Variants in MBOAT1 observed in about 807,000 individuals in gnomAD.
MBOAT1 encodes membrane bound glycerophospholipid O-acyltransferase 1.
In MBOAT1, 67 loss-of-function variants were observed where a neutral mutation model predicts 64.4. The ratio of observed to expected loss-of-function variants is 1.04; its 90% CI spans 0.85 to 1.27. The LOEUF (loss-of-function observed/expected upper bound fraction) is 1.27. Ranked by LOEUF, MBOAT1 falls within the 50% of genes most tolerant of loss-of-function variation. The pLI is 0.00. For synonymous variants in MBOAT1, 229 were observed against 218.9 expected (o/e 1.05, Z -0.41); for missense variants, 563 against 604.6 (o/e 0.93, Z 0.72).
chr6:20,195,144 G>A (rs1762920312), intron 1 of MBOAT1, among the ~76,000 whole-genome samples: 1 of 151,930 alleles, frequency 6.6e-6, no homozygotes, highest in Non-Finnish European at 1.5e-5. Context: ...GTAGAGATGG[G>A]GTTTTGCCAT....
intron 1 of MBOAT1, among the ~76,000 whole-genome samples, chr6:20,208,688 T>G (rs1276715952): frequency 1.3e-5 from 2 of 151,570 alleles, no homozygotes; most frequent in African/African-American, 2.4e-5. Context: ...TGATGCCAAA[T>G]TAGGGGGAAA....
chr6:20,170,590 T>C (rs1277078212), intron 1 of MBOAT1, among the ~76,000 whole-genome samples: 1 of 152,152 alleles, frequency 6.6e-6, no homozygotes, highest in Non-Finnish European at 1.5e-5. Context: ...CAGGGCACCA[T>C]TCATTTCACC....
intron 1 of MBOAT1, among the ~76,000 whole-genome samples, chr6:20,164,420 C>T (rs1432569477): frequency 6.6e-6 from 1 of 152,100 alleles, no homozygotes; most frequent in African/African-American, 2.4e-5. Flanking sequence ...TACAAAAGTA[C>T]TTTATATACT....
In MBOAT1 at chr6:20,131,157, G is replaced by GTCTC. The variant is rs747397200; in HGVS notation, c.461_462insGAGA (p.Phe154LeufsTer6). ...TGCTGTTCTTACCATCATGAACCTG[G>GTCTC]AATGCCAAGGTTGTGATCTTCTGAG... On this transcript the variant is annotated frameshift_variant, in exon 5 of 13. Coordinates refer to ENST00000324607, the MANE Select transcript of MBOAT1 (RefSeq NM_001080480.3). LOFTEE classifies it high-confidence loss of function. 6.2e-7 allele frequency: 1 copy of GTCTC among 1,613,760 alleles called. No individual in the cohort carries two copies. The highest frequency in any genetic ancestry group is 8.5e-7 in the Non-Finnish European group (1 of 1,179,804).
At chr6:20,167,464 A>G (rs555906248) in intron 1 of MBOAT1, among the ~76,000 whole-genome samples, 1 of 152,322 alleles carries the variant, frequency 6.6e-6, no homozygotes, top group Non-Finnish European at 1.5e-5. Context: ...GAGAACTGGT[A>G]GTGCATTAAT....
intron 4 of MBOAT1, among the ~76,000 whole-genome samples, chr6:20,137,432 T>C (rs969315207): frequency 6.6e-6 from 1 of 152,172 alleles, no homozygotes; most frequent in African/African-American, 2.4e-5. Flanking sequence ...AGGAACTAAG[T>C]ACCAGCTGTA....
At chr6:20,185,896 A>G (rs888068130) in intron 1 of MBOAT1, among the ~76,000 whole-genome samples, 3 of 152,190 alleles carry the variant, frequency 2.0e-5, no homozygotes, top group Non-Finnish European at 4.4e-5. Flanking sequence ...GCTGTCTCCC[A>G]TCAATAAATG....
At position 20,102,114 on chromosome 6, in the gene MBOAT1, C is replaced by CAAAAAAAAAAAAAA. The variant is rs58966886; in HGVS notation, c.*158_*171dup. On this transcript the variant is annotated 3_prime_UTR_variant, in exon 13 of 13. Coordinates refer to ENST00000324607, the MANE Select transcript of MBOAT1 (RefSeq NM_001080480.3). Reference sequence around the variant, plus strand: ...TGGGCGACAGAGCGAGACTCCGTCTCAAAAAAAAAAAAAAAAAAAAAAAAA... The same window carrying CAAAAAAAAAAAAAA: ...TGGGCGACAGAGCGAGACTCCGTCTCAAAAAAAAAAAAAAAAAAAAAAAAAAAAAAAAAAAAAAA... The CAAAAAAAAAAAAAA allele has an allele frequency of 2.1e-5, 2 of 97,248 alleles. No individual in the cohort carries two copies. Among genetic ancestry groups the CAAAAAAAAAAAAAA allele is most frequent in the African/African-American group, 1.4e-4 (2 of 14,534 alleles). The allele number at this position is 97,248 out of a possible 1,614,324, so 6.0% of individuals were successfully genotyped here.
At chr6:20,130,143 A>G (rs571598549) in intron 5 of MBOAT1, among the ~76,000 whole-genome samples, 2 of 152,326 alleles carry the variant, frequency 1.3e-5, no homozygotes, top group East Asian at 3.9e-4. Flanking sequence ...GAGCAGTACA[A>G]ATCCACAGAA....
intron 12 of MBOAT1, among the ~76,000 whole-genome samples, chr6:20,106,416 A>T (rs1759958257): frequency 6.6e-6 from 1 of 151,824 alleles, no homozygotes. Flanking sequence ...CATTTCCGTC[A>T]TCATAGAAAC....
intron 1 of MBOAT1, among the ~76,000 whole-genome samples, chr6:20,210,534 C>T (rs529942495): frequency 6.6e-6 from 1 of 152,198 alleles, no homozygotes; most frequent in East Asian, 1.9e-4. Context: ...CTCAGGTGCT[C>T]CTGGCCATGG....
rs572750796 is a variant in MBOAT1 at position 20,110,409 on chromosome 6, T to C, written c.1210-660A>G. ...TAAAAAATTTTTGTAGAGATGTGGG[T>C]CTCACTTTGCTGCCTAGGCTGGTCT... On this transcript the variant is annotated intron_variant, in intron 11 of 12. Coordinates refer to ENST00000324607, the MANE Select transcript of MBOAT1 (RefSeq NM_001080480.3). Among the ~76,000 whole-genome samples the C allele has an allele frequency of 8.0e-4, 121 of 151,216 alleles. 2 individuals are homozygous for C. The South Asian group carries it at 0.025, about 31-fold the overall frequency.
intron 1 of MBOAT1, among the ~76,000 whole-genome samples, chr6:20,164,697 C>T (rs962347895): frequency 6.6e-6 from 1 of 152,172 alleles, no homozygotes; most frequent in South Asian, 2.1e-4. Context: ...CTGAGATCCA[C>T]AGCTTCAACT....
chr6:20,113,009 C>T lies in MBOAT1; in HGVS notation c.1077-1G>A, dbSNP rs771103280. On this transcript the variant is annotated splice_acceptor_variant, in intron 10 of 12. Transcript: ENST00000324607. LOFTEE classifies it high-confidence loss of function. The stretch of plus-strand genomic sequence containing the variant: ...CCATGGAACCCGCTGATAGCACACA[C>T]TGTGAAGAGAGGAAGGAACAAGACA... 1 of 1,612,198 alleles carries T rather than the reference C, an allele frequency of 6.2e-7. No homozygotes were observed. The highest frequency in any genetic ancestry group is 8.5e-7 in the Non-Finnish European group (1 of 1,179,326).
At chr6:20,179,737 C>T (rs187640972) in intron 1 of MBOAT1, among the ~76,000 whole-genome samples, 1 of 152,352 alleles carries the variant, frequency 6.6e-6, no homozygotes, top group Non-Finnish European at 1.5e-5. Context: ...AATCACCACA[C>T]TATCTTCCAC....
chr6:20,150,612 G>C lies in MBOAT1; in HGVS notation c.323+573C>G, dbSNP rs1761463317. Among the ~76,000 whole-genome samples, 3 of 147,964 alleles carry C rather than the reference G, an allele frequency of 2.0e-5. No individual in the cohort carries two copies. The South Asian group carries it at 6.4e-4, about 32-fold the overall frequency. The stretch of plus-strand genomic sequence containing the variant: ...GAGTTTCCCTCTGTCACCCAGGCTG[G>C]AGTGTTGTAGCACAATCTTGGCCCA... On this transcript the variant is annotated intron_variant, in intron 3 of 12. Transcript: ENST00000324607.
chr6:20,175,596 G>A (rs1046460852), intron 1 of MBOAT1, among the ~76,000 whole-genome samples: 1 of 151,364 alleles, frequency 6.6e-6, no homozygotes, highest in Non-Finnish European at 1.5e-5. Flanking sequence ...ACAGGCACAC[G>A]TCGCCACGCC....
At chr6:20,120,030 G>A (rs892715499) in intron 8 of MBOAT1, among the ~76,000 whole-genome samples, 3 of 109,780 alleles carry the variant, frequency 2.7e-5, no homozygotes, top group Non-Finnish European at 6.2e-5. Flanking sequence ...TGTGTTTTCA[G>A]TGCTTATTAT....
chr6:20,171,644 C>T (rs1581442310), intron 1 of MBOAT1, among the ~76,000 whole-genome samples: 1 of 152,152 alleles, frequency 6.6e-6, no homozygotes, highest in African/African-American at 2.4e-5. Context: ...CCAATCAAAT[C>T]CTCACTCCCA....
Sources: gnomAD v4.1 joint callset for allele counts (sites outside exome capture counted in the v4.1 genomes callset) on GRCh38, gnomAD v4.1.1 for gene constraint, MANE v1.5 for transcripts, NCBI Gene and HGNC (gene_info 2026-07-23, HGNC 2026-07-21) for gene names.